The following LPIN2 variants were observed in gnomAD, a reference collection of about 807,000 sequenced individuals.
The protein encoded by LPIN2 is phosphatidate phosphatase LPIN2.
Under a neutral mutation model 111.4 loss-of-function variants are expected in LPIN2, and 55 were observed. That is an observed-to-expected ratio of 0.49 (90% confidence interval 0.40 to 0.62). The LOEUF (loss-of-function observed/expected upper bound fraction) is 0.62, where lower values mean the gene tolerates loss of function less well. Ranked by LOEUF, LPIN2 falls within the 20% of genes least tolerant of loss-of-function variation. The pLI, the probability that LPIN2 is intolerant of heterozygous loss-of-function variation, is 0.00. For synonymous variants in LPIN2, 425 were observed against 414.0 expected (o/e 1.03, Z -0.32); for missense variants, 992 against 1,112.1 (o/e 0.89, Z 1.54).
At chr18:2,990,564 C>T (rs2078250078) in intron 1 of LPIN2, 1 of 155,524 alleles carries the variant, frequency 6.4e-6, no homozygotes, top group Non-Finnish European at 1.4e-5. Context: ...CCGGGAAAGG[C>T]AAATCAAAAC....
At chr18:2,987,533 G>A (rs2078204182) in intron 1 of LPIN2, among the ~76,000 whole-genome samples, 1 of 151,960 alleles carries the variant, frequency 6.6e-6, no homozygotes, top group South Asian at 2.1e-4. Flanking sequence ...GGACATTTCA[G>A]GTCCATCTTT....
At chr18:2,963,380 C>T (rs1036317721) in intron 1 of LPIN2, among the ~76,000 whole-genome samples, 2 of 150,242 alleles carry the variant, frequency 1.3e-5, no homozygotes, top group African/African-American at 5.0e-5. Context: ...CATAGCTACA[C>T]AATAAGAACC....
At chr18:2,923,680 G>T in intron 16 of LPIN2, 95 bp downstream of exon 16, 1 of 1,028,138 alleles carries the variant, frequency 9.7e-7, no homozygotes, top group South Asian at 1.3e-5. Context: ...ATAAACACAT[G>T]ACTCATGTGG....
intron 3 of LPIN2, among the ~76,000 whole-genome samples, chr18:2,952,575 G>T (rs1462792571): frequency 6.6e-6 from 1 of 152,178 alleles, no homozygotes; most frequent in African/African-American, 2.4e-5. Context: ...GCTAAAGTTT[G>T]ATTTAGCTAG....
At chr18:2,927,155 C>T (rs1598526010) in intron 12 of LPIN2, among the ~76,000 whole-genome samples, 1 of 152,342 alleles carries the variant, frequency 6.6e-6, no homozygotes, top group East Asian at 1.9e-4. Context: ...AGGCAGCCCC[C>T]TTGCTGACGT....
At chr18:2,974,856 T>C (rs1470836225) in intron 1 of LPIN2, among the ~76,000 whole-genome samples, 2 of 151,968 alleles carry the variant, frequency 1.3e-5, no homozygotes, top group Non-Finnish European at 2.9e-5. Flanking sequence ...AGTAGTTGGG[T>C]GTGGTGGCGC....
Position 2,920,230 on chromosome 18 carries a change from C to A in LPIN2, c.*63G>T. On this transcript the variant is annotated 3_prime_UTR_variant, in exon 20 of 20. Transcript: ENST00000677752. ...CTGGTATCTGAGGTCAGCAGAAGAGCCAGCTGCCTTCCCTTGCTGTGGGGA... is the reference window on the plus strand; with the variant it reads ...CTGGTATCTGAGGTCAGCAGAAGAGACAGCTGCCTTCCCTTGCTGTGGGGA... 6.2e-7 allele frequency: 1 copy of A among 1,606,110 alleles called. No homozygotes were observed. The highest frequency in any genetic ancestry group is 8.5e-7 in the Non-Finnish European group (1 of 1,173,910).
At chr18:2,927,981 C>G (rs375197814) in intron 11 of LPIN2, among the ~76,000 whole-genome samples, 170 bp from the exon 12 acceptor site, 3 of 152,222 alleles carry the variant, frequency 2.0e-5, no homozygotes, top group Non-Finnish European at 4.4e-5. Context: ...GAGAGACAGA[C>G]CCCGTCCTGC....
chr18:2,919,578 A>T lies in LPIN2; in HGVS notation c.*715T>A, dbSNP rs1024120717. 2.6e-5 allele frequency: 4 copies of T among 153,302 alleles called. No individual in the cohort carries two copies. The highest frequency in any genetic ancestry group is 5.8e-5 in the Non-Finnish European group (4 of 68,916). The allele number at this position is 153,302 out of a possible 1,614,324, so 9.5% of individuals were successfully genotyped here. ...CACTTTTATTACAGACATCAAATAT[A>T]TACTTGTGAGACCTGTTCTTCTGGT... On this transcript the variant is annotated 3_prime_UTR_variant, in exon 20 of 20. Transcript: ENST00000677752.
chr18:2,968,486 G>T (rs1192634026), intron 1 of LPIN2, among the ~76,000 whole-genome samples: 1 of 152,150 alleles, frequency 6.6e-6, no homozygotes, highest in Non-Finnish European at 1.5e-5. Context: ...CTTGGTTCTT[G>T]AAAGAGATAT....
At chr18:2,968,310 G>C (rs2071682935) in intron 1 of LPIN2, among the ~76,000 whole-genome samples, 1 of 152,086 alleles carries the variant, frequency 6.6e-6, no homozygotes, top group Non-Finnish European at 1.5e-5. Context: ...CCTCCTACAG[G>C]TTTAACTCAG....
intron 1 of LPIN2, among the ~76,000 whole-genome samples, chr18:2,997,576 A>T (rs533713536): frequency 6.6e-6 from 1 of 152,340 alleles, no homozygotes; most frequent in East Asian, 1.9e-4. Flanking sequence ...CAGTGCCCCA[A>T]TTCTGATCAA....
At chr18:2,938,124 AT>A in intron 6 of LPIN2, 87 bp from the exon 7 acceptor site, 1 of 1,009,834 alleles carries the variant, frequency 9.9e-7, no homozygotes, top group Non-Finnish European at 1.5e-6. Context: ...TGTTCATTCT[AT>A]TTTTAACTTA....
intron 1 of LPIN2, among the ~76,000 whole-genome samples, chr18:2,995,812 C>T (rs2078331676): frequency 6.6e-6 from 1 of 152,118 alleles, no homozygotes; most frequent in Non-Finnish European, 1.5e-5. Flanking sequence ...ACTCTGAAAG[C>T]AATTTAAAAA....
At chr18:3,012,467 C>T (rs1249400527) in intron 1 of LPIN2, among the ~76,000 whole-genome samples, 1 of 150,716 alleles carries the variant, frequency 6.6e-6, no homozygotes, top group East Asian at 2.0e-4. Context: ...GAACGTGTTC[C>T]TCACAAATTA....
intron 4 of LPIN2, among the ~76,000 whole-genome samples, chr18:2,943,462 A>G (rs1568547149): frequency 7.0e-6 from 1 of 143,688 alleles, no homozygotes; most frequent in Non-Finnish European, 1.6e-5. Flanking sequence ...GTGTGTGTAT[A>G]AATCAATGTT....
chr18:2,923,645 T>C, intron 16 of LPIN2, 130 bp downstream of exon 16: 1 of 825,672 alleles, frequency 1.2e-6, no homozygotes, highest in African/African-American at 1.7e-5. Context: ...AGGAAAGGAG[T>C]GAGGAAGAGC....
At chr18:2,986,566 A>G (rs989716204) in intron 1 of LPIN2, among the ~76,000 whole-genome samples, 1 of 151,806 alleles carries the variant, frequency 6.6e-6, no homozygotes, top group Admixed American at 6.6e-5. Flanking sequence ...AAAAAAAAGA[A>G]AGACTAACTG....
chr18:2,982,889 G>A, intron 1 of LPIN2: 22 of 332,042 alleles, frequency 6.6e-5, no homozygotes, highest in South Asian at 1.3e-4. Context: ...GGCTAAAACT[G>A]AAAGGAAATG....
Sources: allele counts gnomAD v4.1 joint callset (sites outside exome capture counted in the v4.1 genomes callset), GRCh38; gene constraint gnomAD v4.1.1; transcripts MANE v1.5; gene names NCBI Gene and HGNC (gene_info 2026-07-23, HGNC 2026-07-21).